The following IRAK1BP1 variants were observed in gnomAD, a reference collection of about 807,000 sequenced individuals.
IRAK1BP1 encodes the protein interleukin 1 receptor associated kinase 1 binding protein 1.
A neutral mutation model predicts 28.0 loss-of-function variants in IRAK1BP1; 24 were observed. The observed-to-expected ratio is 0.86, with a 90% CI of 0.62 to 1.20. The LOEUF is 1.20. Ranked by LOEUF, IRAK1BP1 falls within the 50% of genes most tolerant of loss-of-function variation. The probability of loss-of-function intolerance (pLI) is 0.00; values close to 1 mark genes in which losing one functional copy is unlikely to be tolerated. For missense variants in IRAK1BP1, 336 were observed against 316.7 expected (o/e 1.06, Z -0.46); for synonymous variants, 131 against 116.3 (o/e 1.13, Z -0.81).
chr6:78,956,554 T>C, the IRAK1BP1 span: 1 of 152,130 alleles, frequency 6.6e-6, no homozygotes, highest in African/African-American at 2.4e-5. Context: ...AGAGCTTATA[T>C]TTTAGATTCA....
the IRAK1BP1 span, chr6:78,965,555 T>A: frequency 3.7e-6 from 2 of 536,390 alleles, no homozygotes; most frequent in Non-Finnish European, 3.4e-6. Context: ...CTCCCCTACT[T>A]CAAGGTGTAC....
chr6:78,886,345 G>A lies in IRAK1BP1; in HGVS notation c.381+902G>A, dbSNP rs148494061. ...AAGCAACTTCCACAATATTCTGTTT[G>A]TTGCCCCAATGCTTCCTGTAATCAT... On this transcript the variant is annotated intron_variant, in intron 2 of 3. Coordinates refer to ENST00000369940, the MANE Select transcript of IRAK1BP1 (RefSeq NM_001010844.4). 6.4e-4 allele frequency among the ~76,000 whole-genome samples: 97 copies of A among 152,194 alleles called. 1 individual carries two copies. The South Asian group carries it at 8.1e-3, about 13-fold the overall frequency.
chr6:78,867,664 G>A lies in IRAK1BP1; in HGVS notation c.88G>A (p.Gly30Arg), dbSNP rs1770625176. The part of the protein sequence containing the change: ...DRSRENNLAS[G>R]RETLPGLRHP... ...GAGCCGGGAGAACAACCTGGCCTCA[G>A]GGAGAGAGACGCTACCGGGCTTACG... is the stretch of plus-strand genomic sequence containing the variant. The change falls in exon 1 of 4, where the codon GGG becomes AGG. Residue 30 changes from glycine to arginine, a missense_variant. Gly to Arg is a moderately radical substitution (Grantham distance 125, BLOSUM62 -2). Coordinates refer to ENST00000369940, the MANE Select transcript of IRAK1BP1 (RefSeq NM_001010844.4). The A allele has an allele frequency of 6.2e-7, 1 of 1,614,252 alleles. No individual in the cohort carries two copies. The highest frequency in any genetic ancestry group is 8.5e-7 in the Non-Finnish European group (1 of 1,180,048).
chr6:78,954,530 GA>G, the IRAK1BP1 span, among the ~76,000 whole-genome samples: 55 of 148,062 alleles, frequency 3.7e-4, no homozygotes, highest in African/African-American at 8.4e-4. Context: ...GACAAAAAAA[GA>G]AAAAAAAAAT....
At chr6:78,954,806 A>T in the IRAK1BP1 span, 12 of 1,562,386 alleles carry the variant, frequency 7.7e-6, no homozygotes, top group Middle Eastern at 1.7e-4. Context: ...ATTTTCAAAA[A>T]TACTTACTGG....
At chr6:78,955,424 G>T in the IRAK1BP1 span, 1 of 629,806 alleles carries the variant, frequency 1.6e-6, no homozygotes, top group Non-Finnish European at 2.6e-6. Context: ...TCATTAAAAA[G>T]GTTCCCCCCA....
chr6:78,889,021 G>A (rs1210608113), intron 2 of IRAK1BP1, among the ~76,000 whole-genome samples: 1 of 151,280 alleles, frequency 6.6e-6, no homozygotes, highest in African/African-American at 2.4e-5. Flanking sequence ...GGAAGCTGGG[G>A]TGGGAGGATT....
chr6:78,970,945 C>G, the IRAK1BP1 span: 4 of 1,145,590 alleles, frequency 3.5e-6, no homozygotes, highest in South Asian at 4.2e-5. Flanking sequence ...ATCCAATATA[C>G]AGGGTATCAG....
chr6:78,926,566 A>T (rs1772897126), intron 4 of IRAK1BP1, among the ~76,000 whole-genome samples: 2 of 152,146 alleles, frequency 1.3e-5, no homozygotes, highest in African/African-American at 4.8e-5. Context: ...TATACACTTT[A>T]AGGAATTTAA....
At chr6:78,889,767 A>G (rs569378611) in intron 2 of IRAK1BP1, among the ~76,000 whole-genome samples, 6 of 152,272 alleles carry the variant, frequency 3.9e-5, no homozygotes, top group Middle Eastern at 3.4e-3. Flanking sequence ...AAGTCAGGAA[A>G]CAACAGATGC....
At chr6:78,961,949 G>A in the IRAK1BP1 span, 6 of 636,582 alleles carry the variant, frequency 9.4e-6, 1 homozygote, top group South Asian at 1.2e-4. Flanking sequence ...AAACAATATA[G>A]TGTAGCTGAC....
At position 78,868,020 on chromosome 6, in the gene IRAK1BP1, T is replaced by C. The variant is rs1049675646; in HGVS notation, c.315+129T>C. ...TCTGGAGCGTTTAGGACGCGTTTGT[T>C]GCAAAGGTACTCCGGGACGCCAGGA... On this transcript the variant is annotated intron_variant, in intron 1 of 3. Coordinates refer to ENST00000369940, the MANE Select transcript of IRAK1BP1 (RefSeq NM_001010844.4). 5 of 970,324 alleles carry C rather than the reference T, an allele frequency of 5.2e-6. No individual in the cohort carries two copies. In the Admixed American group the frequency reaches 9.1e-5, roughly 18 times the overall value. 60.1% of individuals were successfully genotyped at this position (970,324 alleles called of 1,614,324 possible). A position where few individuals can be genotyped will look rare whatever the true frequency, so the allele number is the denominator to read the frequency against.
chr6:78,948,684 G>A (rs899517884), downstream of IRAK1BP1, among the ~76,000 whole-genome samples: 2 of 151,962 alleles, frequency 1.3e-5, no homozygotes, highest in African/African-American at 2.4e-5. Context: ...TTGTAGAGAC[G>A]GGTCTTAGCA....
the IRAK1BP1 span, chr6:78,955,201 A>G: frequency 2.7e-6 from 4 of 1,479,268 alleles, no homozygotes; most frequent in African/African-American, 2.8e-5. Flanking sequence ...ATTCATATAA[A>G]GTACTTCTGC....
intron 1 of IRAK1BP1, among the ~76,000 whole-genome samples, chr6:78,883,677 A>T (rs968100013): frequency 2.6e-5 from 4 of 152,196 alleles, no homozygotes; most frequent in African/African-American, 9.6e-5. Flanking sequence ...GATTGCAAGC[A>T]ATATATATAG....
At chr6:78,924,096 C>CA (rs1165700657) in intron 4 of IRAK1BP1, among the ~76,000 whole-genome samples, 1 of 151,920 alleles carries the variant, frequency 6.6e-6, no homozygotes, top group African/African-American at 2.4e-5. Context: ...AATAGAGACA[C>CA]AAAAAACCCT....
At chr6:78,893,324 A>G (rs987776545) in intron 2 of IRAK1BP1, among the ~76,000 whole-genome samples, 3,350 of 69,652 alleles carry the variant, frequency 0.048, 125 homozygotes, top group African/African-American at 0.13. Flanking sequence ...GTATATATAT[A>G]TATATATATA....
the IRAK1BP1 span, chr6:78,970,013 A>T: frequency 6.2e-7 from 1 of 1,608,638 alleles, no homozygotes; most frequent in South Asian, 1.1e-5. Context: ...AATCTACAAT[A>T]CTAAGAAAAC....
chr6:78,946,071 T>C (rs1425114272), exon 5 of IRAK1BP1: 2 of 1,612,870 alleles, frequency 1.2e-6, no homozygotes, highest in Admixed American at 3.3e-5. Context: ...AAGTAGATGG[T>C]TGCTCAGTGA....
Sources: allele counts gnomAD v4.1 joint callset (sites outside exome capture counted in the v4.1 genomes callset), GRCh38; gene constraint gnomAD v4.1.1; transcripts MANE v1.5; gene names NCBI Gene and HGNC (gene_info 2026-07-23, HGNC 2026-07-21).